AFTPH: variants seen among roughly 807,000 people sequenced by gnomAD.
The protein encoded by AFTPH is aftiphilin.
A neutral mutation model predicts 72.5 loss-of-function variants in AFTPH; 7 were observed. The observed-to-expected ratio is 0.10, with a 90% CI of 0.05 to 0.18. The LOEUF is 0.18. Ranked by LOEUF, AFTPH falls within the 10% of genes least tolerant of loss-of-function variation. The pLI is 1.00. For synonymous variants in AFTPH, 337 were observed against 370.1 expected (o/e 0.91, Z 1.03); for missense variants, 979 against 1,060.5 (o/e 0.92, Z 1.07).
At chr2:64,541,010 C>G (rs1670219747) in intron 1 of AFTPH, among the ~76,000 whole-genome samples, 1 of 152,082 alleles carries the variant, frequency 6.6e-6, no homozygotes, top group Admixed American at 6.6e-5. Context: ...TATTTTAAGA[C>G]ACTTATAAAA....
chr2:64,555,555 T>TCA (rs111905151), intron 2 of AFTPH, among the ~76,000 whole-genome samples: 15,891 of 140,666 alleles, frequency 0.11, 869 homozygotes, highest in East Asian at 0.23. Context: ...AGAGAGACTG[T>TCA]CACACACACA....
At chr2:64,554,769 T>G (rs1671257251) in intron 2 of AFTPH, among the ~76,000 whole-genome samples, 1 of 152,244 alleles carries the variant, frequency 6.6e-6, no homozygotes, top group African/African-American at 2.4e-5. Context: ...GAACTAATTA[T>G]GATGCTAAAT....
At chr2:64,568,757 C>T in intron 3 of AFTPH, among the ~76,000 whole-genome samples, 1 of 152,058 alleles carries the variant, frequency 6.6e-6, no homozygotes. Context: ...TTACAGGCAC[C>T]CAGCACCATG....
intron 2 of AFTPH, among the ~76,000 whole-genome samples, chr2:64,563,931 A>G (rs1671894937): frequency 6.6e-6 from 1 of 152,196 alleles, no homozygotes; most frequent in South Asian, 2.1e-4. Flanking sequence ...CTTAATGCCT[A>G]ATGTGTGGTT....
At chr2:64,572,390 T>C (rs1308105563) in intron 5 of AFTPH, among the ~76,000 whole-genome samples, 2 of 152,156 alleles carry the variant, frequency 1.3e-5, no homozygotes, top group Admixed American at 6.6e-5. Flanking sequence ...CTGAAGGATA[T>C]AGATGTCATA....
At chr2:64,555,791 G>C (rs1671322751) in intron 2 of AFTPH, among the ~76,000 whole-genome samples, 1 of 152,194 alleles carries the variant, frequency 6.6e-6, no homozygotes. Context: ...AGTGGAGAAA[G>C]ATTGAACAAA....
intron 1 of AFTPH, among the ~76,000 whole-genome samples, chr2:64,526,323 T>C (rs1669263028): frequency 6.6e-6 from 1 of 152,234 alleles, no homozygotes; most frequent in African/African-American, 2.4e-5. Context: ...TAATGTTTTA[T>C]TTTGTGTGAA....
At chr2:64,564,628 T>TAAAAAAA in intron 2 of AFTPH, among the ~76,000 whole-genome samples, 1 of 145,628 alleles carries the variant, frequency 6.9e-6, no homozygotes, top group African/African-American at 2.8e-5. Context: ...AAATAAAAAA[T>TAAAAAAA]AAAAAATAAA....
At position 64,551,213 on chromosome 2, in the gene AFTPH, A is replaced by G. The variant is rs539012487; in HGVS notation, c.-32-230A>G. Among the ~76,000 whole-genome samples, 6 of 152,274 alleles carry G rather than the reference A, an allele frequency of 3.9e-5. No individual in the cohort carries two copies. In the South Asian group the frequency reaches 1.0e-3, roughly 26 times the overall value. On this transcript the variant is annotated intron_variant, in intron 1 of 8. Coordinates refer to ENST00000238856, the Ensembl canonical transcript of AFTPH. ...CAGTGCTCTTGGTAACATGTAGTCTAAGAGAACTTTTTTTTTTTCCAGTGC... is the reference window on the plus strand; with the variant it reads ...CAGTGCTCTTGGTAACATGTAGTCTGAGAGAACTTTTTTTTTTTCCAGTGC...
intron 6 of AFTPH, among the ~76,000 whole-genome samples, chr2:64,578,724 A>AT (rs11366273): frequency 2.0e-5 from 3 of 151,010 alleles, no homozygotes; most frequent in Admixed American, 6.6e-5. Flanking sequence ...TGCCTGGCTA[A>AT]TTTTTTTTTA....
exon 8 of AFTPH, chr2:64,585,496 G>A: frequency 6.2e-7 from 1 of 1,613,650 alleles, no homozygotes; most frequent in South Asian, 1.1e-5. Flanking sequence ...AGTGACTGAT[G>A]CATTTGCAAG....
chr2:64,572,973 C>G (rs1399027692), exon 6 of AFTPH: 1 of 1,614,142 alleles, frequency 6.2e-7, no homozygotes, highest in Non-Finnish European at 8.5e-7. Flanking sequence ...CAAGGAACCA[C>G]TGAAACCACT....
At chr2:64,526,665 A>G (rs1354045059) in intron 1 of AFTPH, among the ~76,000 whole-genome samples, 1 of 152,202 alleles carries the variant, frequency 6.6e-6, no homozygotes, top group Non-Finnish European at 1.5e-5. Context: ...TGGATTTTAC[A>G]TATCTCATTT....
chr2:64,530,721 A>C (rs1235581394), intron 1 of AFTPH, among the ~76,000 whole-genome samples: 3 of 152,084 alleles, frequency 2.0e-5, no homozygotes, highest in Non-Finnish European at 4.4e-5. Flanking sequence ...TCTTTCTTTT[A>C]CTTATTAAAT....
intron 8 of AFTPH, among the ~76,000 whole-genome samples, chr2:64,588,188 T>C (rs977026136): frequency 9.9e-5 from 15 of 152,206 alleles, no homozygotes; most frequent in Non-Finnish European, 2.2e-4. Context: ...GGTTATTTCA[T>C]ATAGATGGAA....
intron 6 of AFTPH, among the ~76,000 whole-genome samples, chr2:64,574,610 A>C (rs1672655612): frequency 6.6e-6 from 1 of 152,216 alleles, no homozygotes; most frequent in Non-Finnish European, 1.5e-5. Context: ...ATCTAATATT[A>C]CTGCTGTGTA....
At chr2:64,551,710 C>T (rs1405947438) in exon 2 of AFTPH, 3 of 1,613,788 alleles carry the variant, frequency 1.9e-6, no homozygotes, top group South Asian at 1.1e-5. Flanking sequence ...GATAGCCTTA[C>T]AAGCTTTAAG....
chr2:64,540,942 C>T (rs946150220), intron 1 of AFTPH, among the ~76,000 whole-genome samples: 2 of 152,122 alleles, frequency 1.3e-5, no homozygotes, highest in Non-Finnish European at 2.9e-5. Flanking sequence ...CTGAACCACT[C>T]AGAAGCCTTT....
chr2:64,591,053 T>C (rs1558636630), intron 8 of AFTPH, among the ~76,000 whole-genome samples: 1 of 152,234 alleles, frequency 6.6e-6, no homozygotes, highest in Non-Finnish European at 1.5e-5. Flanking sequence ...TTAATATATT[T>C]AATATCCCAG....
Sources: allele counts gnomAD v4.1 joint callset (sites outside exome capture counted in the v4.1 genomes callset), GRCh38; gene constraint gnomAD v4.1.1; transcripts MANE v1.5; gene names NCBI Gene and HGNC (gene_info 2026-07-23, HGNC 2026-07-21).